The following ZSCAN20 variants were observed in gnomAD, a reference collection of about 807,000 sequenced individuals.
The protein encoded by ZSCAN20 is zinc finger and SCAN domain-containing protein 20.
In ZSCAN20, 39 loss-of-function variants were observed where a neutral mutation model predicts 97.1. That is an observed-to-expected ratio of 0.40 (90% confidence interval 0.31 to 0.52). The LOEUF (loss-of-function observed/expected upper bound fraction) is 0.52. Ranked by LOEUF, ZSCAN20 falls within the 20% of genes least tolerant of loss-of-function variation. The pLI, the probability that ZSCAN20 is intolerant of heterozygous loss-of-function variation, is 0.49. For synonymous variants in ZSCAN20, 456 were observed against 467.3 expected, an observed-to-expected ratio of 0.98 and a Z score of 0.31; for missense variants, 1,115 against 1,290.4, an observed-to-expected ratio of 0.86 and a Z score of 2.08.
chr1:33,494,451 C>G lies in ZSCAN20; in HGVS notation c.2107C>G (p.Leu703Val). The G allele has an allele frequency of 3.1e-6, 5 of 1,614,142 alleles. No homozygotes were observed. Among genetic ancestry groups the G allele is most frequent in the Non-Finnish European group, 4.2e-6 (5 of 1,179,978 alleles). ...AGAAAAACTTATTGACCATCAAGGC[C>G]TGTACCTTGCAGAGAAACCCTACAA... The part of the protein sequence containing the change: ...DLEKLIDHQG[L>V]YLAEKPYKCD... Residue 703 changes from leucine to valine, a missense_variant, in exon 8 of 8, where the codon CTG becomes GTG. Coordinates refer to ENST00000684572, the MANE Select transcript of ZSCAN20 (RefSeq NM_001377376.1).
intron 1 of ZSCAN20, among the ~76,000 whole-genome samples, chr1:33,473,514 C>T (rs964089184): frequency 1.3e-5 from 2 of 152,096 alleles, no homozygotes; most frequent in East Asian, 3.8e-4. Context: ...ACTCCTTTTG[C>T]AGCCTAATCT....
At chr1:33,490,650 A>AC in intron 5 of ZSCAN20, among the ~76,000 whole-genome samples, 1 of 141,102 alleles carries the variant, frequency 7.1e-6, no homozygotes, top group South Asian at 2.4e-4. Context: ...TACACACACA[A>AC]ACACACACAC....
chr1:33,495,023 C>T lies in ZSCAN20; in HGVS notation c.2679C>T (p.His893=), dbSNP rs367935766. The stretch of plus-strand genomic sequence containing the variant: ...CTAAGAGCTCTGCCCTCATTAGTCA[C>T]CAAAGAATCCATACGGGAGAGAAAC... ...SFSKSSALIS[H]QRIHTGEKPY... is the part of the protein sequence containing the mutation. Residue 893 remains histidine (H), a synonymous_variant, in exon 8 of 8, where the codon CAC becomes CAT. Coordinates refer to ENST00000684572, the MANE Select transcript of ZSCAN20 (RefSeq NM_001377376.1). 1.7e-5 allele frequency: 28 copies of T among 1,613,730 alleles called. 1 individual carries two copies. Among genetic ancestry groups the T allele is most frequent in the South Asian group, 1.4e-4 (13 of 91,080 alleles).
Position 33,499,166 on chromosome 1 carries a change from T to G in ZSCAN20, c.*3690T>G, listed in dbSNP as rs933526599. On this transcript the variant is annotated 3_prime_UTR_variant, in exon 8 of 8. Transcript: ENST00000684572. Reference sequence around the variant, plus strand: ...TGCAGAAAAGAATTGAGTCACTTTCTGTAGGGGAGTAACACCCTTTGGGGA... The same window carrying G: ...TGCAGAAAAGAATTGAGTCACTTTCGGTAGGGGAGTAACACCCTTTGGGGA... Among the ~76,000 whole-genome samples, 4 of 152,194 alleles carry G rather than the reference T, an allele frequency of 2.6e-5. No homozygotes were observed. Among genetic ancestry groups the G allele is most frequent in the African/African-American group, 7.2e-5 (3 of 41,454 alleles).
chr1:33,493,078 T>C lies in ZSCAN20; in HGVS notation c.1445-109T>C, dbSNP rs1046462244. On this transcript the variant is annotated intron_variant, in intron 6 of 7. Transcript: ENST00000684572. The surrounding 1 kb of genome is among the most constrained non-coding windows in gnomAD (Gnocchi z 4.3). ...ATATTCTCCAGGTACCTGGATAGTT[T>C]CTGACATGCCTATGTTCTAGGTATT... is the stretch of plus-strand genomic sequence containing the variant. 10 of 1,165,648 alleles carry C rather than the reference T, an allele frequency of 8.6e-6. No individual in the cohort carries two copies. The highest frequency in any genetic ancestry group is 3.1e-5 in the African/African-American group (2 of 65,336). The allele number at this position is 1,165,648 out of a possible 1,614,324, so 72.2% of individuals were successfully genotyped here. A position where few individuals can be genotyped will look rare whatever the true frequency, so the allele number is the denominator to read the frequency against.
chr1:33,490,670 C>CAG (rs1652561424), intron 5 of ZSCAN20, among the ~76,000 whole-genome samples: 1 of 57,028 alleles, frequency 1.8e-5, no homozygotes, highest in Non-Finnish European at 3.9e-5. Context: ...CACACACACA[C>CAG]ACACACACAC....
rs889750400 is a variant in ZSCAN20 at position 33,496,996 on chromosome 1, T to A, written c.*1520T>A. 6.6e-6 allele frequency among the ~76,000 whole-genome samples: 1 copy of A among 152,224 alleles called. No homozygotes were observed. Among genetic ancestry groups the A allele is most frequent in the Non-Finnish European group, 1.5e-5 (1 of 68,038 alleles). ...TGTTGACCAAGGACTTCGGTTTCCA[T>A]AGGACTTTAAAGGAAAATCCCCCTC... On this transcript the variant is annotated 3_prime_UTR_variant, in exon 8 of 8. Coordinates refer to ENST00000684572, the MANE Select transcript of ZSCAN20 (RefSeq NM_001377376.1).
At position 33,479,579 on chromosome 1, in the gene ZSCAN20, G is replaced by A; in HGVS notation, c.291G>A (p.Glu97=). 1 of 1,613,980 alleles carries A rather than the reference G, an allele frequency of 6.2e-7. No homozygotes were observed. Among genetic ancestry groups the A allele is most frequent in the Admixed American group, 1.7e-5 (1 of 60,002 alleles). ...KEQILELLVL[E]QFLTILPREV... is the part of the protein sequence containing the mutation. ...AGATCCTGGAGCTGCTCGTGCTGGA[G>A]CAGTTCCTGACTATCTTGCCTAGGG... Residue 97 remains glutamate, a synonymous_variant, in exon 2 of 8, where the codon GAG becomes GAA. Transcript: ENST00000684572.
chr1:33,483,996 A>G (rs1652254494), intron 2 of ZSCAN20, among the ~76,000 whole-genome samples: 1 of 152,150 alleles, frequency 6.6e-6, no homozygotes, highest in Non-Finnish European at 1.5e-5. Context: ...TTCAAATTCT[A>G]CTTGTTCATT....
chr1:33,482,043 A>G (rs1652175716), intron 2 of ZSCAN20, among the ~76,000 whole-genome samples: 1 of 152,216 alleles, frequency 6.6e-6, no homozygotes. Context: ...ATACATCATT[A>G]TCATCACTCA....
At chr1:33,479,774 T>C (rs1289830003) in intron 2 of ZSCAN20, 69 bp downstream of exon 2, 1 of 1,385,454 alleles carries the variant, frequency 7.2e-7, no homozygotes. Flanking sequence ...ACTACGTTAA[T>C]AATTGCCAAA....
rs1652045502 is a variant in ZSCAN20 at position 33,479,233 on chromosome 1, G to A, written c.-56G>A. ...GCCTCTTGAAGGACTCACCGTAGATGCAGGAAGACATTGGATGAGGTCAGC... is the reference window on the plus strand; with the variant it reads ...GCCTCTTGAAGGACTCACCGTAGATACAGGAAGACATTGGATGAGGTCAGC... On this transcript the variant is annotated 5_prime_UTR_variant, in exon 2 of 8. The change abolishes an upstream ATG in the 5' untranslated region. Coordinates refer to ENST00000684572, the MANE Select transcript of ZSCAN20 (RefSeq NM_001377376.1). 2.0e-6 allele frequency: 3 copies of A among 1,522,924 alleles called. No homozygotes were observed. In the Admixed American group the frequency reaches 6.2e-5, roughly 31 times the overall value. The allele number at this position is 1,522,924 out of a possible 1,614,324, so 94.3% of individuals were successfully genotyped here.
rs751066567 is a variant in ZSCAN20, at chr1:33,499,495, G to A, written c.*4019G>A. On this transcript the variant is annotated 3_prime_UTR_variant, in exon 8 of 8. Transcript: ENST00000684572. ...TGACTCCTGGGCATCTCAAAGCCCCGGTGTCTACCATCACCCATCATGGGG... is the reference window on the plus strand; with the variant it reads ...TGACTCCTGGGCATCTCAAAGCCCCAGTGTCTACCATCACCCATCATGGGG... 6.6e-6 allele frequency among the ~76,000 whole-genome samples: 1 copy of A among 151,982 alleles called. No individual in the cohort carries two copies. Among genetic ancestry groups the A allele is most frequent in the Non-Finnish European group, 1.5e-5 (1 of 68,022 alleles).
Position 33,493,230 on chromosome 1 carries a change from A to G in ZSCAN20, c.1488A>G (p.Ala496=), listed in dbSNP as rs1334753529. 1.9e-6 allele frequency: 3 copies of G among 1,614,060 alleles called. No homozygotes were observed. The highest frequency in any genetic ancestry group is 2.5e-6 in the Non-Finnish European group (3 of 1,180,034). ...WGYEETKAFL[A]ILSESPFSEK... is the part of the protein sequence containing the mutation. Reference sequence around the variant, plus strand: ...ATGAGGAGACCAAGGCCTTCCTGGCAATTCTCAGTGAGTCCCCATTCTCGG... The same window carrying G: ...ATGAGGAGACCAAGGCCTTCCTGGCGATTCTCAGTGAGTCCCCATTCTCGG... The change falls in exon 7 of 8, where the codon GCA becomes GCG. Residue 496 remains alanine (A), a synonymous_variant. Coordinates refer to ENST00000684572, the MANE Select transcript of ZSCAN20 (RefSeq NM_001377376.1). The surrounding 1 kb of genome is among the most constrained non-coding windows in gnomAD (Gnocchi z 4.3).
At chr1:33,487,161 G>A (rs1652401094) in intron 2 of ZSCAN20, among the ~76,000 whole-genome samples, 1 of 152,176 alleles carries the variant, frequency 6.6e-6, no homozygotes, top group South Asian at 2.1e-4. Context: ...ATGAGGAGAG[G>A]GGAAAAGAAC....
chr1:33,484,577 T>C, intron 2 of ZSCAN20, among the ~76,000 whole-genome samples: 1 of 152,052 alleles, frequency 6.6e-6, no homozygotes, highest in Admixed American at 6.6e-5. Flanking sequence ...TTTTATACAT[T>C]GTTGGATTTG....
rs1473862053 is a variant in ZSCAN20 at position 33,496,873 on chromosome 1, C to T, written c.*1397C>T. 6.6e-6 allele frequency among the ~76,000 whole-genome samples: 1 copy of T among 152,180 alleles called. No individual in the cohort carries two copies. The highest frequency in any genetic ancestry group is 2.4e-5 in the African/African-American group (1 of 41,436). On this transcript the variant is annotated 3_prime_UTR_variant, in exon 8 of 8. Transcript: ENST00000684572. ...GTATGTTGACCCTTAAGACTCACCTCCCACATGGACAGGCTAAGTTAGAAA... is the reference window on the plus strand; with the variant it reads ...GTATGTTGACCCTTAAGACTCACCTTCCACATGGACAGGCTAAGTTAGAAA...
chr1:33,482,059 G>A lies in ZSCAN20; in HGVS notation c.417+2354G>A, dbSNP rs1199786189. ...TACATCATTATCATCACTCAAAGTA[G>A]CAGTTTATGTTAGGGCTCTTAATGT... On this transcript the variant is annotated intron_variant, in intron 2 of 7. Transcript: ENST00000684572. Among the ~76,000 whole-genome samples, 6 of 152,114 alleles carry A rather than the reference G, an allele frequency of 3.9e-5. No individual in the cohort carries two copies. In the East Asian group the frequency reaches 1.2e-3, roughly 29 times the overall value.
chr1:33,485,254 C>T (rs1652313417), intron 2 of ZSCAN20, among the ~76,000 whole-genome samples: 1 of 152,146 alleles, frequency 6.6e-6, no homozygotes, highest in East Asian at 1.9e-4. Flanking sequence ...AGGAATTGGT[C>T]TTTTTCATCT....
Sources: allele counts gnomAD v4.1 joint callset (sites outside exome capture counted in the v4.1 genomes callset), GRCh38; gene constraint gnomAD v4.1.1; non-coding constraint Gnocchi (gnomAD v3.1); transcripts MANE v1.5; gene names NCBI Gene and HGNC (gene_info 2026-07-23, HGNC 2026-07-21).